DNAJC3: variants seen among roughly 807,000 people sequenced by gnomAD.
DNAJC3 encodes DnaJ heat shock protein family (Hsp40) member C3, also known as dnaJ homolog subfamily C member 3.
A neutral mutation model predicts 68.6 loss-of-function variants in DNAJC3; 38 were observed. The ratio of observed to expected loss-of-function variants is 0.55; its 90% CI spans 0.43 to 0.73. The LOEUF (loss-of-function observed/expected upper bound fraction) is 0.73, where lower values mean the gene tolerates loss of function less well. Ranked by LOEUF, DNAJC3 falls within the 30% of genes least tolerant of loss-of-function variation. The pLI is 0.00. For synonymous variants in DNAJC3, 203 were observed against 204.0 expected, an observed-to-expected ratio of 1.00 and a Z score of 0.04; for missense variants, 526 against 591.9, an observed-to-expected ratio of 0.89 and a Z score of 1.16.
At position 95,688,927 on chromosome 13, in the gene DNAJC3, G is replaced by GGTTTGTGTGT. The variant is rs762986419; in HGVS notation, c.82+11592_82+11593insTTGTGTGTGT. On this transcript the variant is annotated intron_variant, in intron 1 of 11. Transcript: ENST00000602402. The stretch of plus-strand genomic sequence containing the variant: ...GAGACAAAGCCCATTTGATTGTGTG[G>GGTTTGTGTGT]GTGTGTGTGTGTGTGTGTGTGTGTG... Among the ~76,000 whole-genome samples the GGTTTGTGTGT allele has an allele frequency of 1.1e-3, 137 of 129,752 alleles. 1 individual carries two copies. The highest frequency in any genetic ancestry group is 3.9e-3 in the African/African-American group (128 of 32,588). 85.1% of individuals were successfully genotyped at this position (129,752 alleles called of 152,430 possible).
At chr13:95,703,944 A>C (rs191770825) in intron 1 of DNAJC3, among the ~76,000 whole-genome samples, 1 of 152,150 alleles carries the variant, frequency 6.6e-6, no homozygotes, top group Non-Finnish European at 1.5e-5. Context: ...TGTATTGAGC[A>C]TGGAAGTAGT....
chr13:95,724,224 G>A (rs1334221553), intron 3 of DNAJC3, among the ~76,000 whole-genome samples: 1 of 152,180 alleles, frequency 6.6e-6, no homozygotes, highest in Non-Finnish European at 1.5e-5. Flanking sequence ...GATAGTTGGA[G>A]TGGCTTTTTT....
chr13:95,778,690 T>C (rs1175140194), intron 9 of DNAJC3, among the ~76,000 whole-genome samples: 1 of 152,186 alleles, frequency 6.6e-6, no homozygotes, highest in Non-Finnish European at 1.5e-5. Context: ...AAACATTGAA[T>C]TGAAAAACAC....
intron 4 of DNAJC3, among the ~76,000 whole-genome samples, chr13:95,749,078 A>G (rs527389458): frequency 6.4e-4 from 98 of 152,362 alleles, no homozygotes; most frequent in African/African-American, 2.3e-3. Flanking sequence ...TACTAGAAGA[A>G]TAAATGCTGC....
chr13:95,683,064 T>A (rs1421776696), intron 1 of DNAJC3, among the ~76,000 whole-genome samples: 1 of 152,002 alleles, frequency 6.6e-6, no homozygotes, highest in Admixed American at 6.6e-5. Context: ...ATAGAGAGAG[T>A]GATATTGCAA....
chr13:95,736,361 A>G (rs1163906646), intron 4 of DNAJC3, among the ~76,000 whole-genome samples: 14 of 150,452 alleles, frequency 9.3e-5, no homozygotes, highest in Non-Finnish European at 1.6e-4. Context: ...CTGTGAAGAA[A>G]GTCATTGGTA....
At chr13:95,747,218 C>T (rs1037009790) in intron 4 of DNAJC3, among the ~76,000 whole-genome samples, 2 of 152,148 alleles carry the variant, frequency 1.3e-5, no homozygotes, top group African/African-American at 4.8e-5. Context: ...TAGTCTCTGC[C>T]TTCCAAGAAA....
intron 2 of DNAJC3, among the ~76,000 whole-genome samples, chr13:95,712,381 T>TC (rs879533434): frequency 1.9e-4 from 28 of 150,898 alleles, no homozygotes; most frequent in Non-Finnish European, 3.3e-4. Flanking sequence ...TTTCTTTTTT[T>TC]TTTTTTTTTT....
chr13:95,706,612 T>A lies in DNAJC3; in HGVS notation c.83-2615T>A, dbSNP rs181008838. ...GGACTGAACATCCTCTTTTAAGGCA[T>A]CCACCATGGGTAAAGCTGTCCTCAG... On this transcript the variant is annotated intron_variant, in intron 1 of 11. Transcript: ENST00000602402. 2.0e-5 allele frequency among the ~76,000 whole-genome samples: 3 copies of A among 152,290 alleles called. No individual in the cohort carries two copies. The East Asian group carries it at 5.8e-4, about 29-fold the overall frequency.
chr13:95,705,650 GC>G (rs920434860), intron 1 of DNAJC3, among the ~76,000 whole-genome samples: 1 of 151,704 alleles, frequency 6.6e-6, no homozygotes, highest in Admixed American at 6.6e-5. Context: ...TCCTGCCTCA[GC>G]CCCCCAAGTA....
intron 9 of DNAJC3, among the ~76,000 whole-genome samples, chr13:95,780,500 T>C (rs1389477303): frequency 6.6e-6 from 1 of 152,218 alleles, no homozygotes; most frequent in Admixed American, 6.5e-5. Context: ...CTTTTACCAT[T>C]TGGCTTTCTC....
At chr13:95,744,272 G>A (rs1427841513) in intron 4 of DNAJC3, among the ~76,000 whole-genome samples, 1 of 151,954 alleles carries the variant, frequency 6.6e-6, no homozygotes, top group East Asian at 1.9e-4. Flanking sequence ...CTTTTGCATG[G>A]GATAATATTT....
At chr13:95,759,284 C>T (rs778380971) in intron 5 of DNAJC3, among the ~76,000 whole-genome samples, 3 of 151,988 alleles carry the variant, frequency 2.0e-5, no homozygotes, top group Non-Finnish European at 4.4e-5. Context: ...ACTTTTAAGG[C>T]GGTGACATTT....
intron 9 of DNAJC3, among the ~76,000 whole-genome samples, chr13:95,780,095 T>A (rs561926761): frequency 6.6e-6 from 1 of 152,294 alleles, no homozygotes; most frequent in Admixed American, 6.5e-5. Flanking sequence ...GCTTCACTGT[T>A]TCCACAGACA....
chr13:95,703,954 T>TA (rs1015903051), intron 1 of DNAJC3, among the ~76,000 whole-genome samples: 2 of 152,218 alleles, frequency 1.3e-5, no homozygotes, highest in Non-Finnish European at 2.9e-5. Flanking sequence ...ATGGAAGTAG[T>TA]ATGACATGCC....
At chr13:95,735,579 G>A (rs1373250159) in intron 4 of DNAJC3, among the ~76,000 whole-genome samples, 6 of 151,312 alleles carry the variant, frequency 4.0e-5, no homozygotes, top group Admixed American at 3.9e-4. Context: ...CAGTGATGAT[G>A]AGCATTTTTT....
At chr13:95,726,702 C>G (rs1881536538) in intron 4 of DNAJC3, among the ~76,000 whole-genome samples, 1 of 152,086 alleles carries the variant, frequency 6.6e-6, no homozygotes, top group South Asian at 2.1e-4. Context: ...CCTCATTAGG[C>G]TTGTTTTAAA....
intron 1 of DNAJC3, among the ~76,000 whole-genome samples, chr13:95,696,351 A>C (rs1341563292): frequency 6.6e-6 from 1 of 152,178 alleles, no homozygotes; most frequent in Non-Finnish European, 1.5e-5. Context: ...GGGAGTGACT[A>C]TACTGAAACT....
At chr13:95,700,826 T>G (rs1880565443) in intron 1 of DNAJC3, among the ~76,000 whole-genome samples, 1 of 152,214 alleles carries the variant, frequency 6.6e-6, no homozygotes, top group African/African-American at 2.4e-5. Flanking sequence ...CATGTCATCA[T>G]CATGTTGCCT....
Sources: gnomAD v4.1 joint callset for allele counts (sites outside exome capture counted in the v4.1 genomes callset) on GRCh38, gnomAD v4.1.1 for gene constraint, MANE v1.5 for transcripts, NCBI Gene and HGNC (gene_info 2026-07-23, HGNC 2026-07-21) for gene names.